LRRC4C: variants seen among roughly 807,000 people sequenced by gnomAD.
The protein encoded by LRRC4C is leucine-rich repeat-containing protein 4C.
A neutral mutation model predicts 33.6 loss-of-function variants in LRRC4C; 5 were observed. The observed-to-expected ratio is 0.15, with a 90% confidence interval of 0.08 to 0.31. The LOEUF (loss-of-function observed/expected upper bound fraction) is 0.31, where lower values mean the gene tolerates loss of function less well. LRRC4C is among the 10% of genes least tolerant of loss of function. The pLI is 1.00. For synonymous variants in LRRC4C, 329 were observed against 302.0 expected, an observed-to-expected ratio of 1.09 and a Z score of -0.93; for missense variants, 560 against 796.7, an observed-to-expected ratio of 0.70 and a Z score of 3.58.
intron 1 of LRRC4C, among the ~76,000 whole-genome samples, chr11:41,439,699 A>G (rs1565674422): frequency 2.0e-5 from 3 of 152,150 alleles, no homozygotes; most frequent in Admixed American, 6.5e-5. Flanking sequence ...ACATCTGTTC[A>G]TGTTTTTGCC....
At chr11:40,290,052 A>G (rs986120499) in intron 4 of LRRC4C, among the ~76,000 whole-genome samples, 1 of 152,204 alleles carries the variant, frequency 6.6e-6, no homozygotes, top group African/African-American at 2.4e-5. Flanking sequence ...ATATATATAT[A>G]TATGTAGAAA....
chr11:41,323,675 T>G (rs545253710), intron 1 of LRRC4C, among the ~76,000 whole-genome samples: 1 of 152,300 alleles, frequency 6.6e-6, no homozygotes, highest in South Asian at 2.1e-4. Context: ...GCTTTCCATA[T>G]GACACCACTC....
At chr11:41,064,662 T>C (rs187837101) in intron 1 of LRRC4C, among the ~76,000 whole-genome samples, 4 of 152,334 alleles carry the variant, frequency 2.6e-5, no homozygotes, top group African/African-American at 9.6e-5. Flanking sequence ...AGCTCTGTTC[T>C]GCAGCTCCAA....
At chr11:40,834,029 C>G (rs1952542110) in intron 2 of LRRC4C, among the ~76,000 whole-genome samples, 1 of 152,026 alleles carries the variant, frequency 6.6e-6, no homozygotes, top group Admixed American at 6.6e-5. Flanking sequence ...ACACACCAAA[C>G]CTGTGTGTTT....
chr11:40,313,599 CTTTTTTTTTTTTTT>C (rs60735627), intron 4 of LRRC4C, among the ~76,000 whole-genome samples: 1 of 72,544 alleles, frequency 1.4e-5, no homozygotes, highest in Admixed American at 1.5e-4. Flanking sequence ...AGGGGAAATT[CTTTTTTTTTTTTTT>C]TTTTTTTTTT....
intron 1 of LRRC4C, among the ~76,000 whole-genome samples, chr11:41,176,498 A>G (rs1945204156): frequency 6.6e-6 from 1 of 152,180 alleles, no homozygotes; most frequent in Non-Finnish European, 1.5e-5. Context: ...TTGCATAACT[A>G]TCAAATGTCA....
intron 1 of LRRC4C, among the ~76,000 whole-genome samples, chr11:41,303,302 C>A (rs1403966637): frequency 7.3e-5 from 10 of 136,592 alleles, no homozygotes; most frequent in Non-Finnish European, 1.4e-4. Context: ...TTGGCCGGGC[C>A]GGTCTCCAGC....
chr11:40,270,151 C>T (rs567047640), intron 4 of LRRC4C, among the ~76,000 whole-genome samples: 67 of 152,262 alleles, frequency 4.4e-4, no homozygotes, highest in African/African-American at 1.6e-3. Context: ...GTAGCCACAG[C>T]TCCCCTGTCC....
intron 1 of LRRC4C, among the ~76,000 whole-genome samples, chr11:41,371,720 A>G (rs1952754023): frequency 1.3e-5 from 2 of 152,376 alleles, no homozygotes; most frequent in Middle Eastern, 3.4e-3. Flanking sequence ...CCAAGGATAT[A>G]GTAAAACTTT....
intron 4 of LRRC4C, among the ~76,000 whole-genome samples, chr11:40,254,608 A>G (rs1867054158): frequency 6.6e-6 from 1 of 152,240 alleles, no homozygotes; most frequent in Non-Finnish European, 1.5e-5. Flanking sequence ...ATTGTATAGC[A>G]TATGTGTATG....
At chr11:40,353,048 T>G (rs1359561709) in intron 3 of LRRC4C, among the ~76,000 whole-genome samples, 1 of 152,196 alleles carries the variant, frequency 6.6e-6, no homozygotes, top group Admixed American at 6.5e-5. Context: ...TTAAATGTAT[T>G]GAGGTAGTCT....
chr11:41,328,421 A>ATG (rs1390257344), intron 1 of LRRC4C, among the ~76,000 whole-genome samples: 1 of 151,938 alleles, frequency 6.6e-6, no homozygotes, highest in Middle Eastern at 3.4e-3. Context: ...GAGTGTGTAT[A>ATG]TGTGTGTGTG....
intron 3 of LRRC4C, among the ~76,000 whole-genome samples, chr11:40,333,610 A>T (rs1274932204): frequency 6.7e-6 from 1 of 148,922 alleles, no homozygotes; most frequent in Non-Finnish European, 1.5e-5. Flanking sequence ...CCAGCTACTC[A>T]GGGGGCTGAG....
At chr11:40,265,064 G>A (rs138709134) in intron 4 of LRRC4C, among the ~76,000 whole-genome samples, 1 of 152,148 alleles carries the variant, frequency 6.6e-6, no homozygotes, top group African/African-American at 2.4e-5. Context: ...ACAGAGATTT[G>A]AATAAAGCCT....
intron 1 of LRRC4C, among the ~76,000 whole-genome samples, chr11:41,339,871 T>C (rs1951574281): frequency 6.6e-6 from 1 of 152,174 alleles, no homozygotes; most frequent in Non-Finnish European, 1.5e-5. Context: ...TCCTATTTAT[T>C]GAGTCATATT....
chr11:40,948,011 C>A (rs1489726434), intron 1 of LRRC4C, among the ~76,000 whole-genome samples: 7 of 151,990 alleles, frequency 4.6e-5, no homozygotes, highest in Non-Finnish European at 8.8e-5. Context: ...GAACTGATAT[C>A]TCTTCCTTCA....
At chr11:40,482,858 CT>C (rs1297348709) in intron 3 of LRRC4C, among the ~76,000 whole-genome samples, 1 of 152,106 alleles carries the variant, frequency 6.6e-6, no homozygotes, top group Non-Finnish European at 1.5e-5. Flanking sequence ...ACAAAGACCT[CT>C]GTTTTATCTC....
At chr11:41,455,579 A>G (rs1956149755) in intron 1 of LRRC4C, among the ~76,000 whole-genome samples, 1 of 152,146 alleles carries the variant, frequency 6.6e-6, no homozygotes, top group Non-Finnish European at 1.5e-5. Flanking sequence ...TTAATCACTA[A>G]TCATTAAGAA....
intron 3 of LRRC4C, among the ~76,000 whole-genome samples, chr11:40,595,828 A>T (rs1959231437): frequency 6.6e-6 from 1 of 152,142 alleles, no homozygotes; most frequent in Admixed American, 6.5e-5. Context: ...GAGCTTTCAG[A>T]GGAGCTAAAA....
Sources: allele counts gnomAD v4.1 joint callset (sites outside exome capture counted in the v4.1 genomes callset), GRCh38; gene constraint gnomAD v4.1.1; transcripts MANE v1.5; gene names NCBI Gene and HGNC (gene_info 2026-07-23, HGNC 2026-07-21).